The following EDEM2 variants were observed in gnomAD, a reference collection of about 807,000 sequenced individuals.
The protein encoded by EDEM2 is ER degradation-enhancing alpha-mannosidase-like protein 2.
A neutral mutation model predicts 64.8 loss-of-function variants in EDEM2; 39 were observed. The ratio of observed to expected loss-of-function variants is 0.60; its 90% confidence interval spans 0.47 to 0.79. EDEM2 has a LOEUF of 0.79. Ranked by LOEUF, EDEM2 falls within the 30% of genes least tolerant of loss-of-function variation. The pLI, the probability that EDEM2 is intolerant of heterozygous loss-of-function variation, is 0.00. For synonymous variants in EDEM2, 296 were observed against 291.5 expected, an observed-to-expected ratio of 1.02 and a Z score of -0.16; for missense variants, 609 against 731.3, an observed-to-expected ratio of 0.83 and a Z score of 1.93.
intron 2 of EDEM2, among the ~76,000 whole-genome samples, chr20:35,146,038 T>A (rs923250000): frequency 2.6e-5 from 4 of 151,514 alleles, no homozygotes; most frequent in Non-Finnish European, 5.9e-5. Context: ...TGTATTTTAT[T>A]ATATGTAAAT....
chr20:35,142,271 C>G, intron 4 of EDEM2, 102 bp downstream of exon 4: 1 of 934,672 alleles, frequency 1.1e-6, no homozygotes, highest in Non-Finnish European at 1.6e-6. Flanking sequence ...GGCCAAGGGT[C>G]CTGGCATGGT....
In EDEM2 at chr20:35,136,146, C is replaced by T. The variant is rs141507177; in HGVS notation, c.491-1197G>A. ...AAACTTGCAATCTGGCAGGCACCAGCGGGAGAGCAAGTCACAACCAGGAAG... is the reference window on the plus strand; with the variant it reads ...AAACTTGCAATCTGGCAGGCACCAGTGGGAGAGCAAGTCACAACCAGGAAG... On this transcript the variant is annotated intron_variant, in intron 5 of 10. Coordinates refer to ENST00000374492, the MANE Select transcript of EDEM2 (RefSeq NM_018217.3). Among the ~76,000 whole-genome samples, 135 of 152,268 alleles carry T rather than the reference C, an allele frequency of 8.9e-4. 1 individual carries two copies. The highest frequency in any genetic ancestry group is 3.1e-3 in the African/African-American group (127 of 41,564).
At chr20:35,136,007 T>C (rs666210) in intron 5 of EDEM2, among the ~76,000 whole-genome samples, 125,418 of 152,080 alleles carry the variant, frequency 0.82, 52,251 homozygotes, top group African/African-American at 0.93. Context: ...ATTTCCTCTC[T>C]GGGCCTAAAG....
chr20:35,137,224 C>G (rs570436938), intron 5 of EDEM2, among the ~76,000 whole-genome samples: 1 of 152,190 alleles, frequency 6.6e-6, no homozygotes, highest in South Asian at 2.1e-4. Flanking sequence ...TTGAGACCAG[C>G]CTGATCAACG....
chr20:35,139,008 G>A (rs2085615173), intron 4 of EDEM2, among the ~76,000 whole-genome samples: 1 of 152,144 alleles, frequency 6.6e-6, no homozygotes, highest in Non-Finnish European at 1.5e-5. Flanking sequence ...TCCCTGCAGA[G>A]GGGGAATAGG....
intron 9 of EDEM2, among the ~76,000 whole-genome samples, chr20:35,123,465 G>C (rs1023791023): frequency 6.6e-6 from 1 of 152,126 alleles, no homozygotes; most frequent in African/African-American, 2.4e-5. Context: ...GGTGGCTCAT[G>C]CCTGTAATCC....
chr20:35,142,729 A>G (rs2085674191), intron 3 of EDEM2, among the ~76,000 whole-genome samples: 1 of 152,204 alleles, frequency 6.6e-6, no homozygotes, highest in Admixed American at 6.5e-5. Context: ...AATGGACACA[A>G]TATAAAGAAC....
chr20:35,120,825 T>C (rs1188786382), intron 9 of EDEM2, among the ~76,000 whole-genome samples: 1 of 152,140 alleles, frequency 6.6e-6, no homozygotes, highest in African/African-American at 2.4e-5. Context: ...CTCGAACTCC[T>C]GACCTCAGTT....
intron 2 of EDEM2, 33 bp downstream of exon 2, chr20:35,146,792 C>T (rs377392164): frequency 1.7e-4 from 276 of 1,606,602 alleles, no homozygotes; most frequent in Non-Finnish European, 4.2e-5. Flanking sequence ...AGAGTCAGAC[C>T]CTGGCCGCCC....
chr20:35,141,312 A>T (rs1211419146), intron 4 of EDEM2, among the ~76,000 whole-genome samples: 2 of 152,172 alleles, frequency 1.3e-5, no homozygotes, highest in African/African-American at 2.4e-5. Context: ...CTACAGAAAG[A>T]TGGAAAGGAT....
At chr20:35,124,266 T>C (rs917928457) in intron 8 of EDEM2, among the ~76,000 whole-genome samples, 3 of 152,170 alleles carry the variant, frequency 2.0e-5, no homozygotes, top group Admixed American at 1.3e-4. Flanking sequence ...ACAAAGATTG[T>C]ATATTAAGTC....
In EDEM2 at chr20:35,137,819, T is replaced by C. The variant is rs2085598116; in HGVS notation, c.490+61A>G. The C allele has an allele frequency of 9.5e-6, 15 of 1,582,412 alleles. No homozygotes were observed. In the South Asian group the frequency reaches 1.6e-4, roughly 17 times the overall value. ...TAATTCAGCACTGCCACTCTCATCTTCAGCAAGGGAAGCAGGACCTACTGG... is the reference window on the plus strand; with the variant it reads ...TAATTCAGCACTGCCACTCTCATCTCCAGCAAGGGAAGCAGGACCTACTGG... On this transcript the variant is annotated intron_variant, in intron 5 of 10. Coordinates refer to ENST00000374492, the MANE Select transcript of EDEM2 (RefSeq NM_018217.3).
rs1040377723 is a variant in EDEM2, at chr20:35,115,550, A to G, written c.1620T>C (p.His540=). 5 of 1,613,982 alleles carry G rather than the reference A, an allele frequency of 3.1e-6. No homozygotes were observed. The highest frequency in any genetic ancestry group is 2.7e-5 in the African/African-American group (2 of 74,898). Residue 540 remains histidine (H), a synonymous_variant, in exon 11 of 11, where the codon CAT becomes CAC. Coordinates refer to ENST00000374492, the MANE Select transcript of EDEM2 (RefSeq NM_018217.3). ...CAGGCTTCCTCTCCCTTGCCTGGTC[A>G]TGGTTTTCTGGTGAGAAGAGTGTTC... ...RPGTLFSPEN[H]DQARERKPAK...
intron 9 of EDEM2, among the ~76,000 whole-genome samples, chr20:35,119,103 T>G (rs1600700278): frequency 6.6e-6 from 1 of 152,044 alleles, no homozygotes; most frequent in Admixed American, 6.6e-5. Context: ...AACAGCTAGG[T>G]GGGATTAAGG....
intron 9 of EDEM2, among the ~76,000 whole-genome samples, chr20:35,122,941 T>A (rs1330744392): frequency 1.3e-5 from 2 of 152,150 alleles, no homozygotes; most frequent in Non-Finnish European, 2.9e-5. Context: ...TAGCCTGTTT[T>A]GGGGTGGGGG....
At chr20:35,146,055 T>C (rs1292779685) in intron 2 of EDEM2, among the ~76,000 whole-genome samples, 2 of 150,550 alleles carry the variant, frequency 1.3e-5, no homozygotes, top group Non-Finnish European at 3.0e-5. Context: ...AAATTATGCC[T>C]TTAAGAAGTT....
chr20:35,129,603 GA>G (rs1007375546), intron 7 of EDEM2, among the ~76,000 whole-genome samples: 34 of 150,422 alleles, frequency 2.3e-4, no homozygotes, highest in African/African-American at 7.8e-4. Context: ...ACTGGAGAAA[GA>G]AAAAAAAATT....
chr20:35,142,509 G>T, intron 3 of EDEM2, 31 bp from the exon 4 acceptor site: 1 of 1,521,424 alleles, frequency 6.6e-7, no homozygotes, highest in Non-Finnish European at 9.1e-7. Flanking sequence ...TGACAATGAG[G>T]CTCTTACATG....
At chr20:35,131,924 G>A (rs1004559408) in intron 6 of EDEM2, 141 bp from the exon 7 acceptor site, 2 of 967,744 alleles carry the variant, frequency 2.1e-6, no homozygotes, top group Non-Finnish European at 1.5e-6. Context: ...CCCTGAGAGG[G>A]AAGGGCAATG....
Sources: gnomAD v4.1 joint callset for allele counts (sites outside exome capture counted in the v4.1 genomes callset) on GRCh38, gnomAD v4.1.1 for gene constraint, MANE v1.5 for transcripts, NCBI Gene and HGNC (gene_info 2026-07-23, HGNC 2026-07-21) for gene names.